Variants in PRMT8 observed in about 807,000 individuals in gnomAD.
PRMT8 encodes protein arginine methyltransferase 8, also known as protein arginine N-methyltransferase 8.
A neutral mutation model predicts 47.1 loss-of-function variants in PRMT8; 7 were observed. That is an observed-to-expected ratio of 0.15 (90% CI 0.08 to 0.28). The LOEUF (loss-of-function observed/expected upper bound fraction) is 0.28. Among genes scored for constraint, PRMT8 ranks in the 10% least tolerant of loss-of-function variants. The pLI is 1.00. For synonymous variants in PRMT8, 188 were observed against 186.5 expected (o/e 1.01, Z -0.07); for missense variants, 237 against 505.4 (o/e 0.47, Z 5.09).
intron 1 of PRMT8, among the ~76,000 whole-genome samples, chr12:3,528,693 TG>T (rs1865981165): frequency 6.6e-6 from 1 of 152,166 alleles, no homozygotes; most frequent in Admixed American, 6.5e-5. Context: ...CTTGCTTCTT[TG>T]CAAGCCTAGT....
intron 1 of PRMT8, among the ~76,000 whole-genome samples, chr12:3,521,661 A>T (rs1865883047): frequency 6.6e-6 from 1 of 152,236 alleles, no homozygotes; most frequent in African/African-American, 2.4e-5. Flanking sequence ...CCTGACAAAA[A>T]GTAAACGAAA....
intron 1 of PRMT8, among the ~76,000 whole-genome samples, chr12:3,465,444 T>C (rs1400904344): frequency 1.3e-5 from 2 of 151,942 alleles, no homozygotes; most frequent in Admixed American, 1.3e-4. Context: ...TTGCTCCAAA[T>C]TCCTTTTCTG....
At chr12:3,397,590 T>C (rs1285284713) in intron 1 of PRMT8, among the ~76,000 whole-genome samples, 11 of 151,672 alleles carry the variant, frequency 7.3e-5, no homozygotes, top group Non-Finnish European at 1.3e-4. Context: ...AGCTGCGTGC[T>C]GGGAGAACCA....
At chr12:3,435,526 C>CT (rs1260938565) in intron 1 of PRMT8, among the ~76,000 whole-genome samples, 1,425 of 131,474 alleles carry the variant, frequency 0.011, 17 homozygotes, top group African/African-American at 0.024. Context: ...CTTTTTTTTT[C>CT]TTTTTTTTTT....
intron 1 of PRMT8, among the ~76,000 whole-genome samples, chr12:3,473,748 A>G (rs1308193321): frequency 6.6e-6 from 1 of 151,984 alleles, no homozygotes; most frequent in Non-Finnish European, 1.5e-5. Flanking sequence ...TATCTTGGTA[A>G]ATATTGTCTC....
Position 3,576,799 on chromosome 12 carries a change from T to C in PRMT8, c.713-72T>C. 1 of 1,208,820 alleles carries C rather than the reference T, an allele frequency of 8.3e-7. No homozygotes were observed. Among genetic ancestry groups the C allele is most frequent in the Non-Finnish European group, 1.2e-6 (1 of 820,318 alleles). 74.9% of individuals were successfully genotyped at this position (1,208,820 alleles called of 1,614,324 possible). On this transcript the variant is annotated intron_variant, in intron 6 of 9. Coordinates refer to ENST00000382622, the MANE Select transcript of PRMT8 (RefSeq NM_019854.5). This position sits in a 1 kb window ranked among gnomAD's most constrained non-coding sequence, Gnocchi z 4.0. ...CTCAGCCCTCAGGCACGCTGTGCTC[T>C]AGGACTCAGGAGGGTTGGGTGAGCT...
At chr12:3,399,804 G>A (rs989763236) in intron 1 of PRMT8, among the ~76,000 whole-genome samples, 5 of 152,192 alleles carry the variant, frequency 3.3e-5, no homozygotes, top group African/African-American at 1.2e-4. Flanking sequence ...AGATTATAAA[G>A]ATTATCTTCA....
chr12:3,428,592 G>A (rs1864633251), intron 1 of PRMT8, among the ~76,000 whole-genome samples: 1 of 151,948 alleles, frequency 6.6e-6, no homozygotes. Context: ...GACCTTCAAT[G>A]ATCAATTATA....
chr12:3,589,487 G>A (rs1453761434), intron 8 of PRMT8, among the ~76,000 whole-genome samples: 1 of 152,146 alleles, frequency 6.6e-6, no homozygotes, highest in African/African-American at 2.4e-5. Flanking sequence ...GTCAGGAGAT[G>A]CACTGCGATT....
At chr12:3,469,275 A>AC (rs1412826874) in intron 1 of PRMT8, 3 of 426,500 alleles carry the variant, frequency 7.0e-6, no homozygotes, top group Non-Finnish European at 1.4e-5. Flanking sequence ...CTGCCTCACG[A>AC]CCCCCACCAA....
intron 1 of PRMT8, among the ~76,000 whole-genome samples, chr12:3,447,703 G>T (rs1206118599): frequency 6.6e-6 from 1 of 152,018 alleles, no homozygotes; most frequent in African/African-American, 2.4e-5. Flanking sequence ...CTAGACAATA[G>T]CTTTTTTGGA....
chr12:3,505,961 C>T (rs914806873), intron 1 of PRMT8, among the ~76,000 whole-genome samples: 4 of 152,162 alleles, frequency 2.6e-5, no homozygotes, highest in African/African-American at 7.2e-5. Flanking sequence ...TAAACTTGGG[C>T]GCTGATCAGC....
intron 4 of PRMT8, 137 bp from the exon 5 acceptor site, chr12:3,568,569 A>G (rs1463557686): frequency 1.1e-6 from 1 of 931,820 alleles, no homozygotes; most frequent in African/African-American, 1.7e-5. Flanking sequence ...CTAGTTTGGT[A>G]AAGGGTGAGC....
rs1402544399 is a variant in PRMT8 at position 3,564,183 on chromosome 12, G to C, written c.482-4523G>C. 2.6e-5 allele frequency among the ~76,000 whole-genome samples: 4 copies of C among 152,138 alleles called. No homozygotes were observed. Among genetic ancestry groups the C allele is most frequent in the African/African-American group, 9.7e-5 (4 of 41,424 alleles). ...GTGGGGAGGGCGAGCGAAGGGCTTT[G>C]CTGCAGTGGGGTTGGCAGGGGGGTC... On this transcript the variant is annotated intron_variant, in intron 4 of 9. Coordinates refer to ENST00000382622, the MANE Select transcript of PRMT8 (RefSeq NM_019854.5). This position sits in a 1 kb window ranked among gnomAD's most constrained non-coding sequence, Gnocchi z 4.0.
intron 1 of PRMT8, among the ~76,000 whole-genome samples, chr12:3,480,572 A>C (rs1865264083): frequency 6.6e-6 from 1 of 152,050 alleles, no homozygotes; most frequent in Non-Finnish European, 1.5e-5. Context: ...CTTGACACCC[A>C]CCTTCCCTGA....
intron 1 of PRMT8, among the ~76,000 whole-genome samples, chr12:3,421,969 C>A (rs879579836): frequency 6.6e-6 from 1 of 152,174 alleles, no homozygotes; most frequent in African/African-American, 2.4e-5. Context: ...CATGGCCCCC[C>A]TCCTCAGTGC....
At chr12:3,548,934 A>G (rs747625261) in intron 2 of PRMT8, among the ~76,000 whole-genome samples, 2 of 152,236 alleles carry the variant, frequency 1.3e-5, no homozygotes, top group Non-Finnish European at 2.9e-5. Flanking sequence ...GGATAAATAC[A>G]TTGTGGTATA....
intron 1 of PRMT8, among the ~76,000 whole-genome samples, chr12:3,506,689 G>C (rs562275461): frequency 6.6e-6 from 1 of 152,268 alleles, no homozygotes; most frequent in Non-Finnish European, 1.5e-5. Flanking sequence ...GTGAGGGAAT[G>C]GGGGCACGGA....
chr12:3,443,040 C>T (rs1864819968), intron 1 of PRMT8, among the ~76,000 whole-genome samples: 1 of 152,012 alleles, frequency 6.6e-6, no homozygotes, highest in Admixed American at 6.5e-5. Flanking sequence ...TCTAAAGTCC[C>T]CTATAGGTCA....
Sources: gnomAD v4.1 joint callset for allele counts (sites outside exome capture counted in the v4.1 genomes callset) on GRCh38, gnomAD v4.1.1 for gene constraint, Gnocchi (gnomAD v3.1) non-coding constraint, MANE v1.5 for transcripts, NCBI Gene and HGNC (gene_info 2026-07-23, HGNC 2026-07-21) for gene names.